Variants in CNTNAP2 observed in about 807,000 individuals in gnomAD.
CNTNAP2 encodes the protein contactin associated protein 2, also known as contactin-associated protein-like 2.
Under a neutral mutation model 155.2 loss-of-function variants are expected in CNTNAP2, and 98 were observed. The ratio of observed to expected loss-of-function variants is 0.63; its 90% CI spans 0.54 to 0.75. CNTNAP2 has a LOEUF of 0.75. CNTNAP2 is among the 30% of genes least tolerant of loss of function. The probability of loss-of-function intolerance (pLI) is 0.00; values close to 1 mark genes in which losing one functional copy is unlikely to be tolerated. For missense variants in CNTNAP2, 1,727 were observed against 1,688.1 expected (o/e 1.02, Z -0.40); for synonymous variants, 651 against 631.2 (o/e 1.03, Z -0.47).
At chr7:146,457,481 AATATATATATATATATATATAT>A (rs200909725) in intron 1 of CNTNAP2, among the ~76,000 whole-genome samples, 2,510 of 87,136 alleles carry the variant, frequency 0.029, 192 homozygotes, top group African/African-American at 0.11. Context: ...TTCAAAAATG[AATATATATATATATATATATAT>A]ATATATATAT....
At chr7:147,820,246 G>C (rs894962606) in intron 13 of CNTNAP2, among the ~76,000 whole-genome samples, 5 of 151,998 alleles carry the variant, frequency 3.3e-5, no homozygotes, top group African/African-American at 1.2e-4. Flanking sequence ...GTATTTCCCT[G>C]ATGATTAATG....
intron 3 of CNTNAP2, among the ~76,000 whole-genome samples, chr7:146,871,453 C>T (rs1264651874): frequency 1.3e-5 from 2 of 151,890 alleles, no homozygotes; most frequent in African/African-American, 2.4e-5. Context: ...TTGCTCAAAC[C>T]CGGGAGATGG....
At chr7:146,706,566 A>G (rs1053771943) in intron 1 of CNTNAP2, among the ~76,000 whole-genome samples, 1 of 152,072 alleles carries the variant, frequency 6.6e-6, no homozygotes, top group Non-Finnish European at 1.5e-5. Context: ...CAAAGTTTGG[A>G]TGTTTAATAC....
chr7:147,205,149 G>C (rs1802996767), intron 8 of CNTNAP2, among the ~76,000 whole-genome samples: 1 of 152,054 alleles, frequency 6.6e-6, no homozygotes, highest in Admixed American at 6.6e-5. Context: ...GAATGAATTG[G>C]ATAGTGATAG....
chr7:147,199,023 G>A lies in CNTNAP2; in HGVS notation c.1348+66514G>A, dbSNP rs192527545. Among the ~76,000 whole-genome samples, 80 of 146,924 alleles carry A rather than the reference G, an allele frequency of 5.4e-4. 1 individual carries two copies. In the East Asian group the frequency reaches 6.5e-3, roughly 12 times the overall value. ...GTCACCCAGGCTGGAGTGCAATGGCGTGGTCTCAGCTCACTGCAACCTTCG... is the reference window on the plus strand; with the variant it reads ...GTCACCCAGGCTGGAGTGCAATGGCATGGTCTCAGCTCACTGCAACCTTCG... On this transcript the variant is annotated intron_variant, in intron 8 of 23. Coordinates refer to ENST00000361727, the MANE Select transcript of CNTNAP2 (RefSeq NM_014141.6).
Position 146,271,720 on chromosome 7 carries a change from T to C in CNTNAP2, c.97+154747T>C, listed in dbSNP as rs545883381. The stretch of plus-strand genomic sequence containing the variant: ...AATTTTCTCTATTACTCTGATACTT[T>C]AGAGAGCCACAATTTTCACAAATCT... On this transcript the variant is annotated intron_variant, in intron 1 of 23. Coordinates refer to ENST00000361727, the MANE Select transcript of CNTNAP2 (RefSeq NM_014141.6). Among the ~76,000 whole-genome samples the C allele has an allele frequency of 7.9e-5, 12 of 152,092 alleles. No homozygotes were observed. The East Asian group carries it at 1.9e-3, about 25-fold the overall frequency.
At chr7:146,282,882 GGCACA>G (rs1479903026) in intron 1 of CNTNAP2, among the ~76,000 whole-genome samples, 15 of 152,086 alleles carry the variant, frequency 9.9e-5, no homozygotes, top group Non-Finnish European at 1.5e-5. Flanking sequence ...TCTTCTACGT[GGCACA>G]GCTGAATTTG....
chr7:147,589,456 T>C (rs575549145), intron 12 of CNTNAP2, among the ~76,000 whole-genome samples: 1 of 152,278 alleles, frequency 6.6e-6, no homozygotes, highest in African/African-American at 2.4e-5. Context: ...GAACTTATGG[T>C]CCTTCTCATT....
intron 16 of CNTNAP2, among the ~76,000 whole-genome samples, chr7:148,121,107 T>C (rs1804586326): frequency 1.3e-5 from 2 of 152,126 alleles, no homozygotes; most frequent in Admixed American, 1.3e-4. Context: ...CAATCTCAGC[T>C]CACTGCAACC....
At chr7:146,685,845 T>G (rs964123805) in intron 1 of CNTNAP2, among the ~76,000 whole-genome samples, 5 of 152,220 alleles carry the variant, frequency 3.3e-5, no homozygotes, top group Admixed American at 6.5e-5. Context: ...TTATAATTGA[T>G]GTATGTGAAA....
chr7:146,748,143 CTTTTTT>C lies in CNTNAP2; in HGVS notation c.98-26113_98-26108del, dbSNP rs61495352. ...GTGGTGTTTTCTTTTCTTTTCTTTTCTTTTTTTTTTTTTTTTTTTTGAGAAGGCGTC... is the reference window on the plus strand; with the variant it reads ...GTGGTGTTTTCTTTTCTTTTCTTTTCTTTTTTTTTTTTTTGAGAAGGCGTC... On this transcript the variant is annotated intron_variant, in intron 1 of 23. Coordinates refer to ENST00000361727, the MANE Select transcript of CNTNAP2 (RefSeq NM_014141.6). Among the ~76,000 whole-genome samples the C allele has an allele frequency of 2.0e-5, 2 of 98,004 alleles. 1 individual carries two copies. The highest frequency in any genetic ancestry group is 8.3e-5 in the African/African-American group (2 of 24,198). The allele number at this position is 98,004 out of a possible 152,430, so 64.3% of individuals were successfully genotyped here. A position where few individuals can be genotyped will look rare whatever the true frequency, so the allele number is the denominator to read the frequency against.
chr7:147,700,674 G>A (rs1188879841), intron 13 of CNTNAP2, among the ~76,000 whole-genome samples: 1 of 152,186 alleles, frequency 6.6e-6, no homozygotes, highest in Non-Finnish European at 1.5e-5. Flanking sequence ...GTTTTATGAG[G>A]AGACACAATT....
At position 146,286,688 on chromosome 7, in the gene CNTNAP2, G is replaced by A. The variant is rs565430338; in HGVS notation, c.97+169715G>A. Among the ~76,000 whole-genome samples, 358 of 152,078 alleles carry A rather than the reference G, an allele frequency of 2.4e-3. 2 individuals carry two copies. Among genetic ancestry groups the A allele is most frequent in the African/African-American group, 8.0e-3 (333 of 41,506 alleles). On this transcript the variant is annotated intron_variant, in intron 1 of 23. Transcript: ENST00000361727. Reference sequence around the variant, plus strand: ...GGGCCTTCCTTGTCTGACCTCATCCGACCCCTACAGAAACAGAGCCATGAT... The same window carrying A: ...GGGCCTTCCTTGTCTGACCTCATCCAACCCCTACAGAAACAGAGCCATGAT...
intron 1 of CNTNAP2, among the ~76,000 whole-genome samples, chr7:146,637,798 C>T (rs1187255794): frequency 1.3e-5 from 2 of 151,916 alleles, no homozygotes; most frequent in East Asian, 1.9e-4. Flanking sequence ...TTTGAAATGG[C>T]AAAATACTAA....
intron 1 of CNTNAP2, among the ~76,000 whole-genome samples, chr7:146,668,080 C>A (rs1297368646): frequency 6.6e-6 from 1 of 151,882 alleles, no homozygotes; most frequent in Non-Finnish European, 1.5e-5. Flanking sequence ...TTAGCTTTTG[C>A]TTCTTTGGTG....
chr7:147,845,309 CTGGT>C (rs1414924447), intron 13 of CNTNAP2, among the ~76,000 whole-genome samples: 5 of 57,898 alleles, frequency 8.6e-5, no homozygotes, highest in Non-Finnish European at 1.6e-4. Flanking sequence ...CAACTTCTTC[CTGGT>C]TTAGTCTTGG....
At chr7:146,672,426 A>C (rs1167028794) in intron 1 of CNTNAP2, among the ~76,000 whole-genome samples, 2 of 152,190 alleles carry the variant, frequency 1.3e-5, no homozygotes, top group Non-Finnish European at 2.9e-5. Flanking sequence ...AATTTCTTAA[A>C]GCTCATGCCT....
At chr7:146,984,811 A>G (rs1798087744) in intron 3 of CNTNAP2, among the ~76,000 whole-genome samples, 1 of 152,182 alleles carries the variant, frequency 6.6e-6, no homozygotes, top group African/African-American at 2.4e-5. Flanking sequence ...CTGGCAGTGG[A>G]AATGCTATAA....
intron 13 of CNTNAP2, among the ~76,000 whole-genome samples, chr7:147,815,981 G>A (rs916443084): frequency 1.3e-5 from 2 of 152,144 alleles, no homozygotes. Flanking sequence ...CATATTCTCA[G>A]ACTCTGGCTG....
Sources: allele counts gnomAD v4.1 joint callset (sites outside exome capture counted in the v4.1 genomes callset), GRCh38; gene constraint gnomAD v4.1.1; transcripts MANE v1.5; gene names NCBI Gene and HGNC (gene_info 2026-07-23, HGNC 2026-07-21).